The following CCSER1 variants were observed in gnomAD, a reference collection of about 807,000 sequenced individuals.
CCSER1 encodes the protein serine-rich coiled-coil domain-containing protein 1.
In CCSER1, 41 loss-of-function variants were observed where a neutral mutation model predicts 82.0. The ratio of observed to expected loss-of-function variants is 0.50; its 90% CI spans 0.39 to 0.65. The LOEUF (loss-of-function observed/expected upper bound fraction) is 0.65, where lower values mean the gene tolerates loss of function less well. Ranked by LOEUF, CCSER1 falls within the 30% of genes least tolerant of loss-of-function variation. The probability of loss-of-function intolerance (pLI) is 0.00; values close to 1 mark genes in which losing one functional copy is unlikely to be tolerated. For synonymous variants in CCSER1, 414 were observed against 383.9 expected (o/e 1.08, Z -0.92); for missense variants, 1,119 against 1,064.2 (o/e 1.05, Z -0.72).
intron 3 of CCSER1, among the ~76,000 whole-genome samples, chr4:90,388,782 C>T (rs960323304): frequency 2.0e-5 from 3 of 151,724 alleles, no homozygotes; most frequent in South Asian, 2.1e-4. Context: ...ATTACAGGTG[C>T]CTGCCACCAC....
At chr4:90,416,066 A>G (rs552324732) in intron 4 of CCSER1, among the ~76,000 whole-genome samples, 25 of 152,284 alleles carry the variant, frequency 1.6e-4, no homozygotes, top group African/African-American at 5.5e-4. Context: ...CAGTTGTAAG[A>G]TGAGCACATT....
rs960501094 is a variant in CCSER1, at chr4:90,574,371, C to T, written c.1725-53654C>T. Among the ~76,000 whole-genome samples the T allele has an allele frequency of 4.9e-4, 73 of 148,438 alleles. 2 individuals carry two copies. Among genetic ancestry groups the T allele is most frequent in the African/African-American group, 1.8e-3 (72 of 39,894 alleles). On this transcript the variant is annotated intron_variant, in intron 5 of 10. Coordinates refer to ENST00000509176, the MANE Select transcript of CCSER1 (RefSeq NM_001145065.2). ...GCAAGCTCCGCTTCCCGGGTTCACG[C>T]CATTCTCCTGCCTCAGCCTCCCAAG...
chr4:91,063,127 C>A (rs560005358), intron 9 of CCSER1, among the ~76,000 whole-genome samples: 3 of 152,006 alleles, frequency 2.0e-5, no homozygotes, highest in African/African-American at 7.2e-5. Context: ...CTTGAAGTTT[C>A]GTGTTCCCAA....
chr4:91,003,717 C>T (rs1738250451), intron 9 of CCSER1, among the ~76,000 whole-genome samples: 1 of 152,122 alleles, frequency 6.6e-6, no homozygotes, highest in South Asian at 2.1e-4. Context: ...TTTGCACACT[C>T]CCCCAAGCTC....
At chr4:91,058,795 A>G (rs1239941001) in intron 9 of CCSER1, among the ~76,000 whole-genome samples, 1 of 152,076 alleles carries the variant, frequency 6.6e-6, no homozygotes, top group Non-Finnish European at 1.5e-5. Context: ...TGAAATTTAT[A>G]AAGTTTAAGT....
chr4:91,369,703 T>G (rs1008553321), intron 10 of CCSER1, among the ~76,000 whole-genome samples: 1 of 130,816 alleles, frequency 7.6e-6, no homozygotes, highest in Non-Finnish European at 1.6e-5. Context: ...AGTCTCTCAC[T>G]CTGTCACCAG....
intron 10 of CCSER1, among the ~76,000 whole-genome samples, chr4:91,371,833 T>A (rs1348895649): frequency 1.7e-3 from 7 of 4,110 alleles, no homozygotes; most frequent in Middle Eastern, 0.056. Flanking sequence ...CCGTAGGACC[T>A]AGGTGATGAG....
intron 5 of CCSER1, among the ~76,000 whole-genome samples, chr4:90,579,836 T>TGGAG (rs1781232539): frequency 2.7e-5 from 4 of 149,024 alleles, no homozygotes; most frequent in Admixed American, 2.6e-4. Context: ...TTGTGGAGAC[T>TGGAG]GGAGAGTAAT....
chr4:91,487,933 G>T (rs1445159398), intron 10 of CCSER1, among the ~76,000 whole-genome samples: 2 of 151,830 alleles, frequency 1.3e-5, no homozygotes, highest in South Asian at 4.2e-4. Context: ...TTTTTATTCT[G>T]TTGTAAAATT....
intron 5 of CCSER1, among the ~76,000 whole-genome samples, chr4:90,520,090 T>C (rs770600780): frequency 2.6e-5 from 4 of 151,994 alleles, no homozygotes; most frequent in Non-Finnish European, 5.9e-5. Context: ...ATAGTACTTA[T>C]AGATTAAAGT....
In CCSER1 at chr4:90,695,386, C is replaced by A. The variant is rs573860278; in HGVS notation, c.1933-28528C>A. 5.8e-4 allele frequency among the ~76,000 whole-genome samples: 88 copies of A among 151,970 alleles called. No homozygotes were observed. The South Asian group carries it at 7.5e-3, about 13-fold the overall frequency. ...TGTAGAAATTAGGTAATAACACTTA[C>A]TATTATTGCACATTATCAATTTATG... On this transcript the variant is annotated intron_variant, in intron 6 of 10. Coordinates refer to ENST00000509176, the MANE Select transcript of CCSER1 (RefSeq NM_001145065.2).
intron 3 of CCSER1, among the ~76,000 whole-genome samples, chr4:90,393,767 T>G (rs899964394): frequency 2.0e-5 from 3 of 148,532 alleles, no homozygotes; most frequent in Non-Finnish European, 1.5e-5. Flanking sequence ...AATAGTTATA[T>G]CTTCCTTTTT....
intron 10 of CCSER1, among the ~76,000 whole-genome samples, chr4:91,200,628 T>G (rs772363460): frequency 6.6e-6 from 1 of 152,052 alleles, no homozygotes; most frequent in Non-Finnish European, 1.5e-5. Context: ...GTTTATTTTT[T>G]GCAATCAGTA....
intron 5 of CCSER1, among the ~76,000 whole-genome samples, chr4:90,489,491 T>C (rs941146875): frequency 1.3e-5 from 2 of 151,850 alleles, no homozygotes; most frequent in Non-Finnish European, 2.9e-5. Flanking sequence ...AAATTATTAA[T>C]AGGTAGTACG....
chr4:91,141,190 G>C (rs1326049898), intron 10 of CCSER1, among the ~76,000 whole-genome samples: 1 of 147,906 alleles, frequency 6.8e-6, no homozygotes, highest in Non-Finnish European at 1.5e-5. Context: ...GAGTCTCACT[G>C]TCACCCAGGC....
chr4:90,183,529 C>T (rs1734068268), intron 1 of CCSER1, among the ~76,000 whole-genome samples: 3 of 152,046 alleles, frequency 2.0e-5, no homozygotes. Flanking sequence ...GTGCTGCTCT[C>T]CCACAGTGCA....
intron 10 of CCSER1, among the ~76,000 whole-genome samples, chr4:91,369,476 T>C (rs950574607): frequency 1.3e-5 from 2 of 152,194 alleles, no homozygotes; most frequent in African/African-American, 4.8e-5. Flanking sequence ...TCCAGAATTA[T>C]AGTTCCAGAT....
chr4:91,543,395 C>A (rs1761711753), intron 10 of CCSER1, among the ~76,000 whole-genome samples: 1 of 152,102 alleles, frequency 6.6e-6, no homozygotes, highest in South Asian at 2.1e-4. Context: ...TCTTCCTAGC[C>A]TCAATGGTCT....
At chr4:90,699,468 G>A (rs1287104817) in intron 6 of CCSER1, among the ~76,000 whole-genome samples, 1 of 152,132 alleles carries the variant, frequency 6.6e-6, no homozygotes. Flanking sequence ...ACTTCCCTGT[G>A]CTAGGGTTAG....
Sources: gnomAD v4.1 joint callset for allele counts (sites outside exome capture counted in the v4.1 genomes callset) on GRCh38, gnomAD v4.1.1 for gene constraint, MANE v1.5 for transcripts, NCBI Gene and HGNC (gene_info 2026-07-23, HGNC 2026-07-21) for gene names.